Variants in PUDP observed in about 807,000 individuals in gnomAD.
PUDP encodes the protein pseudouridine 5'-phosphatase, also known as pseudouridine-5'-phosphatase.
A neutral mutation model predicts 9.4 loss-of-function variants in PUDP; 8 were observed. That is an observed-to-expected ratio of 0.85 (90% CI 0.50 to 1.53). PUDP has a LOEUF of 1.53. Ranked by LOEUF, PUDP falls within the 40% of genes most tolerant of loss-of-function variation. PUDP has a pLI of 0.00. For missense variants in PUDP, 188 were observed against 189.7 expected (o/e 0.99, Z 0.05); for synonymous variants, 99 against 80.7 (o/e 1.23, Z -1.22).
chrX:6,762,497 C>T (rs946932732), intron 3 of PUDP, among the ~76,000 whole-genome samples: 1 of 111,362 alleles, frequency 9.0e-6, no homozygotes, highest in Non-Finnish European at 1.9e-5. Flanking sequence ...AAATGTCATA[C>T]GTGACAAAGA....
At chrX:6,896,726 G>T (rs906175929) in intron 3 of PUDP, among the ~76,000 whole-genome samples, 1 of 111,182 alleles carries the variant, frequency 9.0e-6, no homozygotes, top group Non-Finnish European at 1.9e-5. Context: ...GAGAGTCCTG[G>T]ACTTGGAGTT....
At chrX:6,833,602 T>A (rs1330810335) in intron 3 of PUDP, among the ~76,000 whole-genome samples, 1 of 111,653 alleles carries the variant, frequency 9.0e-6, no homozygotes, top group African/African-American at 3.3e-5. Flanking sequence ...TGGACGGATG[T>A]ATGGATGAAT....
intron 2 of PUDP, among the ~76,000 whole-genome samples, chrX:7,089,474 G>C (rs1309077481): frequency 1.8e-5 from 2 of 111,319 alleles, no homozygotes; most frequent in Non-Finnish European, 3.8e-5. Flanking sequence ...GTGGCATTCT[G>C]AATGCACAGC....
intron 3 of PUDP, among the ~76,000 whole-genome samples, chrX:6,839,394 G>A (rs1271179101): frequency 9.0e-6 from 1 of 111,144 alleles, no homozygotes; most frequent in East Asian, 2.8e-4. Context: ...CCCAAAAGCT[G>A]TCTTTGCCAA....
intron 3 of PUDP, among the ~76,000 whole-genome samples, chrX:6,853,799 T>C (rs1050808203): frequency 9.0e-5 from 10 of 111,690 alleles, no homozygotes; most frequent in Non-Finnish European, 1.5e-4. Flanking sequence ...GTTTCTGTCT[T>C]GTTTCCCAGG....
chrX:7,018,538 G>T (rs1192111080), intron 1 of PUDP, among the ~76,000 whole-genome samples: 2 of 112,025 alleles, frequency 1.8e-5, no homozygotes, highest in Non-Finnish European at 3.8e-5. Context: ...TAAAGAAAAC[G>T]AAAATTCATT....
intron 1 of PUDP, among the ~76,000 whole-genome samples, chrX:6,715,898 G>C (rs141018738): frequency 1.8e-5 from 2 of 111,344 alleles, no homozygotes; most frequent in African/African-American, 3.3e-5. Flanking sequence ...GAGAAGCCAG[G>C]CTGAGCTGCC....
intron 1 of PUDP, among the ~76,000 whole-genome samples, chrX:7,039,539 A>T (rs1396709198): frequency 1.2e-4 from 13 of 111,506 alleles, no homozygotes; most frequent in East Asian, 5.7e-4. Flanking sequence ...GGAGATGAGG[A>T]CACAGACACA....
chrX:6,734,395 T>C (rs1250418621), intron 3 of PUDP, among the ~76,000 whole-genome samples: 1 of 112,418 alleles, frequency 8.9e-6, no homozygotes, highest in Non-Finnish European at 1.9e-5. Flanking sequence ...GATATGTTAA[T>C]AGTTTAATCA....
chrX:6,782,203 G>C (rs921120602), intron 3 of PUDP, among the ~76,000 whole-genome samples: 3 of 111,092 alleles, frequency 2.7e-5, no homozygotes, highest in Non-Finnish European at 5.7e-5. Flanking sequence ...CCTAGTAGTT[G>C]ATTCTCCCTT....
intron 1 of PUDP, among the ~76,000 whole-genome samples, chrX:6,994,295 C>T (rs1002631985): frequency 1.8e-5 from 2 of 111,607 alleles, no homozygotes; most frequent in African/African-American, 3.3e-5. Context: ...CATCTGTAGT[C>T]GCAGCTACTT....
intron 3 of PUDP, among the ~76,000 whole-genome samples, chrX:6,890,545 C>T (rs899135203): frequency 9.0e-6 from 1 of 111,275 alleles, no homozygotes; most frequent in Non-Finnish European, 1.9e-5. Context: ...AGACCTAAAA[C>T]AAGTATCCTT....
In PUDP at chrX:7,077,320, ATG is replaced by A; in HGVS notation, c.408_409del (p.Ile137CysfsTer5). On this transcript the variant is annotated frameshift_variant, in exon 3 of 4. Coordinates refer to ENST00000381077, the MANE Select transcript of PUDP (RefSeq NM_012080.5). LOFTEE classifies it high-confidence loss of function. The stretch of plus-strand genomic sequence containing the variant: ...CACTTCGGGGTCATCTCCCAGCACA[ATG>A]TGGGAAAACAAGCTGAAGAACTCCT... 8.3e-7 allele frequency: 1 copy of A among 1,210,706 alleles called. No homozygotes were observed. Among genetic ancestry groups the A allele is most frequent in the Non-Finnish European group, 1.1e-6 (1 of 895,043 alleles).
At chrX:6,757,247 A>C (rs777279556) in intron 3 of PUDP, among the ~76,000 whole-genome samples, 3 of 111,783 alleles carry the variant, frequency 2.7e-5, no homozygotes, top group Non-Finnish European at 5.6e-5. Context: ...GAGTCTGAGA[A>C]GCTAATTGGT....
chrX:6,841,449 C>G (rs1926669146), intron 3 of PUDP, among the ~76,000 whole-genome samples: 1 of 108,828 alleles, frequency 9.2e-6, no homozygotes, highest in South Asian at 4.1e-4. Context: ...AAAAATTAGC[C>G]AGGTGTGGTG....
At chrX:6,796,562 G>T (rs1925846450) in intron 3 of PUDP, among the ~76,000 whole-genome samples, 1 of 112,110 alleles carries the variant, frequency 8.9e-6, no homozygotes. Flanking sequence ...ATTTGGTAAA[G>T]AATTCACTTT....
At chrX:6,967,040 G>A (rs746837987) in intron 3 of PUDP, among the ~76,000 whole-genome samples, 2 of 111,728 alleles carry the variant, frequency 1.8e-5, no homozygotes, top group East Asian at 5.7e-4. Flanking sequence ...CTGTGTCTAG[G>A]GAGGGTATGT....
chrX:6,894,815 C>A (rs767068094), intron 3 of PUDP, among the ~76,000 whole-genome samples: 17 of 111,828 alleles, frequency 1.5e-4, no homozygotes, highest in Non-Finnish European at 2.6e-4. Flanking sequence ...TCGTTCGACC[C>A]TGAAAAGGAT....
At chrX:6,900,633 C>G (rs760286683) in intron 3 of PUDP, among the ~76,000 whole-genome samples, 5 of 101,695 alleles carry the variant, frequency 4.9e-5, no homozygotes, top group African/African-American at 7.1e-5. Flanking sequence ...ATTTCCTTCC[C>G]TTTAAGTAAC....
Sources: gnomAD v4.1 joint callset for allele counts (sites outside exome capture counted in the v4.1 genomes callset) on GRCh38, gnomAD v4.1.1 for gene constraint, MANE v1.5 for transcripts, NCBI Gene and HGNC (gene_info 2026-07-23, HGNC 2026-07-21) for gene names.